The following SH3GL2 variants were observed in gnomAD, a reference collection of about 807,000 sequenced individuals.
SH3GL2 encodes the protein endophilin-A1.
In SH3GL2, 24 loss-of-function variants were observed where a neutral mutation model predicts 46.0. That is an observed-to-expected ratio of 0.52 (90% CI 0.38 to 0.73). SH3GL2 has a LOEUF of 0.73. Among genes scored for constraint, SH3GL2 ranks in the 30% least tolerant of loss-of-function variants. The pLI is 0.00. For synonymous variants in SH3GL2, 196 were observed against 147.1 expected (o/e 1.33, Z -2.40); for missense variants, 413 against 424.2 (o/e 0.97, Z 0.23).
intron 1 of SH3GL2, among the ~76,000 whole-genome samples, chr9:17,615,029 C>T (rs911552893): frequency 6.6e-6 from 1 of 152,214 alleles, no homozygotes; most frequent in African/African-American, 2.4e-5. Context: ...CATGTCCTCT[C>T]TGCTCTCAGA....
chr9:17,579,108 C>T lies in SH3GL2; in HGVS notation c.-135C>T, dbSNP rs1027443985. On this transcript the variant is annotated 5_prime_UTR_variant, in exon 1 of 9. Transcript: ENST00000380607. ...CAAGAGCCCGTGTCCCGCTAGGCTC[C>T]GCGCCCTCGCGCCCATAGCCCCGGC... 7.6e-6 allele frequency: 4 copies of T among 528,184 alleles called. No individual in the cohort carries two copies. Among genetic ancestry groups the T allele is most frequent in the Non-Finnish European group, 1.3e-5 (4 of 314,766 alleles). 32.7% of individuals were successfully genotyped at this position (528,184 alleles called of 1,614,324 possible).
At chr9:17,650,010 T>C (rs1280240280) in intron 1 of SH3GL2, among the ~76,000 whole-genome samples, 1 of 152,208 alleles carries the variant, frequency 6.6e-6, no homozygotes, top group Non-Finnish European at 1.5e-5. Flanking sequence ...AACCACCAGC[T>C]TTTATTTAGT....
rs1280867931 is a variant in SH3GL2 at position 17,724,547 on chromosome 9, A to C, written c.46-22519A>C. Among the ~76,000 whole-genome samples, 6 of 151,724 alleles carry C rather than the reference A, an allele frequency of 4.0e-5. No individual in the cohort carries two copies. The East Asian group carries it at 1.2e-3, about 29-fold the overall frequency. On this transcript the variant is annotated intron_variant, in intron 1 of 8. Coordinates refer to ENST00000380607, the MANE Select transcript of SH3GL2 (RefSeq NM_003026.5). ...CCCCCTCCCCCCGTGTATGTGTCAC[A>C]TTTTCCTGGGGGTGTGTGTGTGGAT...
At chr9:17,709,155 G>C (rs1821553022) in intron 1 of SH3GL2, among the ~76,000 whole-genome samples, 1 of 152,024 alleles carries the variant, frequency 6.6e-6, no homozygotes, top group Non-Finnish European at 1.5e-5. Flanking sequence ...GATTCTGCAG[G>C]TTGAAGTGTT....
chr9:17,671,395 GGGTGAGGGGAA>G (rs755968173), intron 1 of SH3GL2, among the ~76,000 whole-genome samples: 5 of 152,094 alleles, frequency 3.3e-5, no homozygotes, highest in African/African-American at 4.8e-5. Flanking sequence ...GTGTGTGGCA[GGGTGAGGGGAA>G]GGTTATGAGG....
At chr9:17,763,867 C>T (rs1449839908) in intron 3 of SH3GL2, among the ~76,000 whole-genome samples, 3 of 152,162 alleles carry the variant, frequency 2.0e-5, no homozygotes, top group Admixed American at 6.5e-5. Flanking sequence ...ACGATCCTGC[C>T]TCTGAGAAGG....
In SH3GL2 at chr9:17,775,502, A is replaced by G. The variant is rs554493941; in HGVS notation, c.188-10879A>G. ...TATGTAGTAGATAACTTCTGAAATT[A>G]TAGTTATAGGATGAAATCTGGTTAT... On this transcript the variant is annotated intron_variant, in intron 3 of 8. Transcript: ENST00000380607. Among the ~76,000 whole-genome samples, 282 of 152,290 alleles carry G rather than the reference A, an allele frequency of 1.9e-3. 1 individual carries two copies. The highest frequency in any genetic ancestry group is 6.2e-3 in the South Asian group (30 of 4,828).
At chr9:17,636,658 C>A (rs1226908745) in intron 1 of SH3GL2, among the ~76,000 whole-genome samples, 1 of 152,128 alleles carries the variant, frequency 6.6e-6, no homozygotes, top group Non-Finnish European at 1.5e-5. Context: ...GAGTTAATAA[C>A]CCTCATCACC....
intron 1 of SH3GL2, among the ~76,000 whole-genome samples, chr9:17,651,773 C>T (rs1819965762): frequency 6.6e-6 from 1 of 152,112 alleles, no homozygotes; most frequent in South Asian, 2.1e-4. Context: ...AATATTTCCT[C>T]ATCTTTAGTA....
rs557666537 is a variant in SH3GL2 at position 17,619,593 on chromosome 9, G to A, written c.45+40306G>A. Among the ~76,000 whole-genome samples the A allele has an allele frequency of 5.3e-5, 8 of 152,040 alleles. No homozygotes were observed. In the East Asian group the frequency reaches 7.8e-4, roughly 15 times the overall value. On this transcript the variant is annotated intron_variant, in intron 1 of 8. Transcript: ENST00000380607. ...CTCGGGAGGCTGAGGCAGGAGATTC[G>A]TTTGAACCCGGGAGGCAGAGGTTGC...
In SH3GL2 at chr9:17,594,059, A is replaced by G. The variant is rs563415998; in HGVS notation, c.45+14772A>G. ...CTCTGGTTCATTATCTACTGTGGCTATAGTGACTTTTCTAAAGAGCAAATC... is the reference window on the plus strand; with the variant it reads ...CTCTGGTTCATTATCTACTGTGGCTGTAGTGACTTTTCTAAAGAGCAAATC... On this transcript the variant is annotated intron_variant, in intron 1 of 8. Coordinates refer to ENST00000380607, the MANE Select transcript of SH3GL2 (RefSeq NM_003026.5). Among the ~76,000 whole-genome samples the G allele has an allele frequency of 1.4e-3, 216 of 152,260 alleles. 2 individuals are homozygous for G. The highest frequency in any genetic ancestry group is 4.9e-3 in the African/African-American group (203 of 41,570).
chr9:17,689,059 A>G (rs1179141489), intron 1 of SH3GL2, among the ~76,000 whole-genome samples: 3 of 152,100 alleles, frequency 2.0e-5, no homozygotes, highest in Non-Finnish European at 2.9e-5. Context: ...TACGTCATCA[A>G]CAGTGATAAA....
At chr9:17,686,265 C>G (rs1320328601) in intron 1 of SH3GL2, among the ~76,000 whole-genome samples, 1 of 129,932 alleles carries the variant, frequency 7.7e-6, no homozygotes, top group Non-Finnish European at 1.6e-5. Context: ...GTTAGAATGG[C>G]GATCATTAAA....
At chr9:17,720,520 A>G (rs1333385979) in intron 1 of SH3GL2, among the ~76,000 whole-genome samples, 2 of 151,990 alleles carry the variant, frequency 1.3e-5, no homozygotes, top group South Asian at 2.1e-4. Flanking sequence ...CCTTATTTGG[A>G]CATGGTTTGA....
intron 1 of SH3GL2, among the ~76,000 whole-genome samples, chr9:17,689,879 A>G (rs1466500612): frequency 2.0e-5 from 3 of 152,024 alleles, no homozygotes; most frequent in African/African-American, 7.2e-5. Context: ...TTCTTATCCC[A>G]CTAGAATTAG....
chr9:17,741,955 A>T (rs1466558338), intron 1 of SH3GL2, among the ~76,000 whole-genome samples: 2 of 152,130 alleles, frequency 1.3e-5, no homozygotes, highest in Admixed American at 6.5e-5. Context: ...GTAGAATTTG[A>T]AGAGTAGAAA....
chr9:17,698,024 C>A (rs1821251821), intron 1 of SH3GL2, among the ~76,000 whole-genome samples: 1 of 152,090 alleles, frequency 6.6e-6, no homozygotes, highest in South Asian at 2.1e-4. Context: ...TAATTTTTTC[C>A]TGTAGCTAGT....
At chr9:17,640,545 C>T (rs1332293414) in intron 1 of SH3GL2, among the ~76,000 whole-genome samples, 6 of 151,964 alleles carry the variant, frequency 3.9e-5, no homozygotes, top group Non-Finnish European at 7.4e-5. Flanking sequence ...CTCTCTCAAC[C>T]GGCTGTCTCT....
chr9:17,779,774 C>T (rs1196759407), intron 3 of SH3GL2, among the ~76,000 whole-genome samples: 1 of 152,000 alleles, frequency 6.6e-6, no homozygotes, highest in Non-Finnish European at 1.5e-5. Flanking sequence ...TTTTCTTTAC[C>T]CCCCACCACC....
Sources: allele counts gnomAD v4.1 joint callset (sites outside exome capture counted in the v4.1 genomes callset), GRCh38; gene constraint gnomAD v4.1.1; transcripts MANE v1.5; gene names NCBI Gene and HGNC (gene_info 2026-07-23, HGNC 2026-07-21).